Variants in CALCOCO1 observed in about 807,000 individuals in gnomAD.
CALCOCO1 encodes calcium binding and coiled-coil domain 1.
In CALCOCO1, 44 loss-of-function variants were observed where a neutral mutation model predicts 86.3. That is an observed-to-expected ratio of 0.51 (90% CI 0.40 to 0.66). The LOEUF (loss-of-function observed/expected upper bound fraction) is 0.66. Ranked by LOEUF, CALCOCO1 falls within the 30% of genes least tolerant of loss-of-function variation. The pLI, the probability that CALCOCO1 is intolerant of heterozygous loss-of-function variation, is 0.00. For synonymous variants in CALCOCO1, 297 were observed against 327.6 expected (o/e 0.91, Z 1.01); for missense variants, 708 against 851.1 (o/e 0.83, Z 2.09).
intron 7 of CALCOCO1, among the ~76,000 whole-genome samples, chr12:53,719,412 G>A (rs998231306): frequency 2.0e-5 from 3 of 151,982 alleles, no homozygotes; most frequent in Non-Finnish European, 2.9e-5. Flanking sequence ...TGTAATCCCC[G>A]CTGCTCAGGT....
At chr12:53,718,840 C>CTTTTTT (rs35114054) in intron 7 of CALCOCO1, among the ~76,000 whole-genome samples, 7 of 75,634 alleles carry the variant, frequency 9.3e-5, no homozygotes, top group African/African-American at 1.1e-4. Flanking sequence ...ATGGCCCTCC[C>CTTTTTT]TTTTTTTTTT....
rs1224970839 is a variant in CALCOCO1, at chr12:53,709,649, C to T, written c.*2295G>A. ...GTGAAGTTTTCGAGGTTGGAAAGAACAAAACCTATACCGCAGTCCTCTTAA... is the reference window on the plus strand; with the variant it reads ...GTGAAGTTTTCGAGGTTGGAAAGAATAAAACCTATACCGCAGTCCTCTTAA... On this transcript the variant is annotated 3_prime_UTR_variant, in exon 15 of 15. Coordinates refer to ENST00000550804, the MANE Select transcript of CALCOCO1 (RefSeq NM_020898.3). The T allele has an allele frequency of 1.3e-5, 2 of 152,446 alleles. No individual in the cohort carries two copies. Among genetic ancestry groups the T allele is most frequent in the East Asian group, 1.9e-4 (1 of 5,198 alleles). 9.4% of individuals were successfully genotyped at this position (152,446 alleles called of 1,614,324 possible).
intron 6 of CALCOCO1, among the ~76,000 whole-genome samples, chr12:53,720,409 A>C (rs1313615712): frequency 6.6e-6 from 1 of 152,256 alleles, no homozygotes; most frequent in Non-Finnish European, 1.5e-5. Flanking sequence ...CTTAACCATT[A>C]AAAGATGTAA....
At chr12:53,714,070 G>T in intron 12 of CALCOCO1, 63 bp downstream of exon 12, 2 of 1,426,088 alleles carry the variant, frequency 1.4e-6, no homozygotes, top group African/African-American at 1.4e-5. Context: ...GTTACATGGA[G>T]CCTTCCTCAA....
At chr12:53,724,789 T>A (rs768261036) in intron 2 of CALCOCO1, 42 bp from the exon 3 acceptor site, 2 of 1,488,324 alleles carry the variant, frequency 1.3e-6, no homozygotes, top group South Asian at 2.3e-5. Context: ...GTCATGGAAC[T>A]ACCTTCTATG....
intron 10 of CALCOCO1, 61 bp downstream of exon 10, chr12:53,715,139 G>A (rs1945687663): frequency 1.3e-6 from 2 of 1,578,212 alleles, no homozygotes; most frequent in South Asian, 2.3e-5. Context: ...AAGACAGAGA[G>A]AAGGGGTATG....
At position 53,715,946 on chromosome 12, in the gene CALCOCO1, T is replaced by G; in HGVS notation, c.1107A>C (p.Ala369=). Residue 369 remains alanine (A), a synonymous_variant, in exon 9 of 15, where the codon GCA becomes GCC. Transcript: ENST00000550804. ...ATLLGEELAS[A]AAARDRTIAE... Reference sequence around the variant, plus strand: ...CTATGGTGCGGTCCCTGGCTGCTGCTGCACTGGCCAACTCCTCCCCAAGAA... The same window carrying G: ...CTATGGTGCGGTCCCTGGCTGCTGCGGCACTGGCCAACTCCTCCCCAAGAA... 6.2e-7 allele frequency: 1 copy of G among 1,614,102 alleles called. No homozygotes were observed. Among genetic ancestry groups the G allele is most frequent in the South Asian group, 1.1e-5 (1 of 91,076 alleles).
In CALCOCO1 at chr12:53,716,007, T is replaced by C; in HGVS notation, c.1046A>G (p.Gln349Arg). ...EPLKEQLRGAQELAASSQQKA... is the reference protein window; with the variant it reads ...EPLKEQLRGARELAASSQQKA... The stretch of plus-strand genomic sequence containing the variant: ...CTGCTGGCTTGAGGCTGCAAGCTCC[T>C]GGGCCCCTCGAAGCTGCTCCTTCAA... Residue 349 changes from glutamine to arginine, a missense_variant, in exon 9 of 15, where the codon CAG becomes CGG. Transcript: ENST00000550804. 1 of 1,613,738 alleles carries C rather than the reference T, an allele frequency of 6.2e-7. No individual in the cohort carries two copies. The highest frequency in any genetic ancestry group is 1.1e-5 in the South Asian group (1 of 91,078).
At chr12:53,721,353 G>A in intron 6 of CALCOCO1, 114 bp downstream of exon 6, 3 of 940,064 alleles carry the variant, frequency 3.2e-6, no homozygotes, top group Non-Finnish European at 4.8e-6. Context: ...GAGGGTGAGA[G>A]GGAAAGAGAA....
At position 53,725,243 on chromosome 12, in the gene CALCOCO1, C is replaced by T; in HGVS notation, c.-1G>A. On this transcript the variant is annotated 5_prime_UTR_variant, in exon 2 of 15. Transcript: ENST00000550804. ...CCCGGCTTAGTGGTGATTCTTCCAT[C>T]CTGGCCTTGAGATATCTGTCCTCCT... 1 of 1,588,616 alleles carries T rather than the reference C, an allele frequency of 6.3e-7. No individual in the cohort carries two copies. The highest frequency in any genetic ancestry group is 2.3e-5 in the East Asian group (1 of 44,018).
Position 53,711,763 on chromosome 12 carries a change from G to C in CALCOCO1, c.*181C>G, listed in dbSNP as rs1945558535. 3 of 528,872 alleles carry C rather than the reference G, an allele frequency of 5.7e-6. No individual in the cohort carries two copies. The highest frequency in any genetic ancestry group is 7.9e-5 in the Admixed American group (2 of 25,164). The allele number at this position is 528,872 out of a possible 1,614,324, so 32.8% of individuals were successfully genotyped here. A position where few individuals can be genotyped will look rare whatever the true frequency, so the allele number is the denominator to read the frequency against. ...ACCCCTCCCTGGGACAAAAGAGCCA[G>C]GTAGGAGAGGATGAAGTGAGAAATC... is the stretch of plus-strand genomic sequence containing the variant. On this transcript the variant is annotated 3_prime_UTR_variant, in exon 15 of 15. Coordinates refer to ENST00000550804, the MANE Select transcript of CALCOCO1 (RefSeq NM_020898.3).
At chr12:53,718,901 G>A (rs548611732) in intron 7 of CALCOCO1, among the ~76,000 whole-genome samples, 1 of 142,170 alleles carries the variant, frequency 7.0e-6, no homozygotes, top group Non-Finnish European at 1.5e-5. Context: ...AGGCTGGAGA[G>A]CCGTAGTGTG....
At chr12:53,719,242 G>C (rs949378008) in intron 7 of CALCOCO1, among the ~76,000 whole-genome samples, 1 of 151,786 alleles carries the variant, frequency 6.6e-6, no homozygotes, top group Admixed American at 6.6e-5. Flanking sequence ...GATTTCTCTT[G>C]AGGCCAGGCG....
intron 4 of CALCOCO1, among the ~76,000 whole-genome samples, chr12:53,722,735 A>G (rs1945909192): frequency 6.6e-6 from 1 of 152,102 alleles, no homozygotes; most frequent in Non-Finnish European, 1.5e-5. Flanking sequence ...GCATGCCACT[A>G]CACCCAGCTA....
intron 3 of CALCOCO1, 26 bp downstream of exon 3, chr12:53,724,619 T>A: frequency 6.3e-7 from 1 of 1,581,392 alleles, no homozygotes; most frequent in Non-Finnish European, 8.7e-7. Flanking sequence ...GGCTCCTCTC[T>A]CCCAATTTTC....
At chr12:53,718,167 A>G (rs2120596899) in intron 7 of CALCOCO1, among the ~76,000 whole-genome samples, 1 of 152,314 alleles carries the variant, frequency 6.6e-6, no homozygotes, top group South Asian at 2.1e-4. Flanking sequence ...TGAATTGAAG[A>G]GTAAACTGAG....
intron 7 of CALCOCO1, among the ~76,000 whole-genome samples, chr12:53,718,722 G>T (rs1055116973): frequency 6.6e-6 from 1 of 151,980 alleles, no homozygotes; most frequent in African/African-American, 2.4e-5. Context: ...TAGAGATGGG[G>T]TCTCACTACG....
intron 8 of CALCOCO1, 51 bp from the exon 9 acceptor site, chr12:53,716,098 C>T (rs1476213260): frequency 1.2e-6 from 2 of 1,604,156 alleles, no homozygotes; most frequent in Admixed American, 3.3e-5. Flanking sequence ...AATCATTCAT[C>T]AGCCAGGGAG....
intron 13 of CALCOCO1, among the ~76,000 whole-genome samples, 193 bp from the exon 14 acceptor site, chr12:53,713,399 G>A (rs143635759): frequency 2.6e-5 from 4 of 152,330 alleles, no homozygotes; most frequent in Non-Finnish European, 5.9e-5. Context: ...GAAGCAGTGA[G>A]GCTATTGGGC....
Sources: allele counts gnomAD v4.1 joint callset (sites outside exome capture counted in the v4.1 genomes callset), GRCh38; gene constraint gnomAD v4.1.1; transcripts MANE v1.5; gene names NCBI Gene and HGNC (gene_info 2026-07-23, HGNC 2026-07-21).